Variants in FAM86B1 observed in about 807,000 individuals in gnomAD.
FAM86B1 encodes the protein putative protein N-methyltransferase FAM86B1.
For synonymous variants in FAM86B1, 4 were observed against 137.6 expected, an observed-to-expected ratio of 0.03 and a Z score of 6.79; for missense variants, 13 against 328.1, an observed-to-expected ratio of 0.04 and a Z score of 7.42.
rs1805194951 is a variant in FAM86B1 at position 12,183,130 on chromosome 8, CG to C, written c.*475del. The C allele has an allele frequency of 4.9e-6, 1 of 205,376 alleles. No individual in the cohort carries two copies. Among genetic ancestry groups the C allele is most frequent in the African/African-American group, 3.1e-5 (1 of 32,322 alleles). 12.7% of individuals were successfully genotyped at this position (205,376 alleles called of 1,614,324 possible). The stretch of plus-strand genomic sequence containing the variant: ...CAGCGGGCTTGGCTTTGTGAGGAAC[CG>C]AGTGTGTCCAGGGATGTGGCAGCTG... On this transcript the variant is annotated 3_prime_UTR_variant, in exon 7 of 7. Transcript: ENST00000448228.
upstream of FAM86B1, among the ~76,000 whole-genome samples, chr8:12,194,294 C>G (rs1362769519): frequency 1.4e-5 from 2 of 147,848 alleles, no homozygotes; most frequent in East Asian, 3.8e-4. Flanking sequence ...GGGGCAGGTC[C>G]TGGGTAGAGT....
chr8:12,182,379 G>T lies in FAM86B1; in HGVS notation c.*1227C>A. 1 of 555,472 alleles carries T rather than the reference G, an allele frequency of 1.8e-6. No homozygotes were observed. Among genetic ancestry groups the T allele is most frequent in the Non-Finnish European group, 3.2e-6 (1 of 314,522 alleles). 34.4% of individuals were successfully genotyped at this position (555,472 alleles called of 1,614,324 possible). ...ATACGGGGAAGTTTCCAGAAAGCATGATGTCAAGTTGGAAGTGGAGCGCTG... is the reference window on the plus strand; with the variant it reads ...ATACGGGGAAGTTTCCAGAAAGCATTATGTCAAGTTGGAAGTGGAGCGCTG... On this transcript the variant is annotated 3_prime_UTR_variant, in exon 7 of 7. Coordinates refer to ENST00000448228, the MANE Select transcript of FAM86B1 (RefSeq NM_001083537.4).
chr8:12,189,215 C>G (rs1330419984), intron 3 of FAM86B1, among the ~76,000 whole-genome samples: 2 of 147,116 alleles, frequency 1.4e-5, no homozygotes, highest in Non-Finnish European at 3.0e-5. Context: ...CCACAGTAAT[C>G]CAGCCTGGGC....
rs1374801403 is a variant in FAM86B1 at position 12,189,427 on chromosome 8, C to T, written c.240+381G>A. On this transcript the variant is annotated intron_variant, in intron 3 of 6. Transcript: ENST00000448228. ...AGAGCTAAAACTTCCAACAGGGGCCCGTGGGGCAACCCAGAGATGGACAAG... is the reference window on the plus strand; with the variant it reads ...AGAGCTAAAACTTCCAACAGGGGCCTGTGGGGCAACCCAGAGATGGACAAG... Among the ~76,000 whole-genome samples the T allele has an allele frequency of 7.3e-5, 8 of 110,174 alleles. No homozygotes were observed. In the South Asian group the frequency reaches 9.2e-4, roughly 13 times the overall value. 72.3% of individuals were successfully genotyped at this position (110,174 alleles called of 152,430 possible).
At chr8:12,191,869 CA>C (rs1351813346) in intron 1 of FAM86B1, 28 bp from the exon 2 acceptor site, 1 of 827,978 alleles carries the variant, frequency 1.2e-6, no homozygotes, top group Non-Finnish European at 1.8e-6. Flanking sequence ...AGAGAAATCT[CA>C]AGGGCCCATT....
At chr8:12,191,055 CT>C (rs1250217917) in intron 2 of FAM86B1, among the ~76,000 whole-genome samples, 1 of 146,504 alleles carries the variant, frequency 6.8e-6, no homozygotes, top group East Asian at 2.0e-4. Flanking sequence ...GTGGCTGCAT[CT>C]TTTCCACGTG....
chr8:12,193,227 G>C (rs1218035751), intron 1 of FAM86B1, among the ~76,000 whole-genome samples: 1 of 145,618 alleles, frequency 6.9e-6, no homozygotes, highest in African/African-American at 2.8e-5. Flanking sequence ...GACCAGAAAT[G>C]ATCTCTGAGT....
chr8:12,191,384 C>T (rs1195958031), intron 2 of FAM86B1, among the ~76,000 whole-genome samples: 1 of 122,658 alleles, frequency 8.2e-6, no homozygotes, highest in Non-Finnish European at 1.6e-5. Flanking sequence ...CTGGGCAAAG[C>T]AAGGGCCCAT....
chr8:12,187,263 G>A (rs1375210606), intron 3 of FAM86B1, among the ~76,000 whole-genome samples: 2 of 27,470 alleles, frequency 7.3e-5, no homozygotes, highest in Non-Finnish European at 1.1e-4. Context: ...CACGATCTTG[G>A]CTTACTGCAA....
Position 12,182,423 on chromosome 8 carries a change from C to G in FAM86B1, c.*1183G>C, listed in dbSNP as rs1805059129. On this transcript the variant is annotated 3_prime_UTR_variant, in exon 7 of 7. Transcript: ENST00000448228. Reference sequence around the variant, plus strand: ...AGCGCTGCTGGGTTGTGAAGGGTCTCAAGTCCAAGTGAGGGGGGTTGTGAA... The same window carrying G: ...AGCGCTGCTGGGTTGTGAAGGGTCTGAAGTCCAAGTGAGGGGGGTTGTGAA... 1.1e-5 allele frequency: 11 copies of G among 1,044,630 alleles called. No individual in the cohort carries two copies. In the South Asian group the frequency reaches 1.2e-4, roughly 12 times the overall value. The allele number at this position is 1,044,630 out of a possible 1,614,324, so 64.7% of individuals were successfully genotyped here. A position where few individuals can be genotyped will look rare whatever the true frequency, so the allele number is the denominator to read the frequency against.
intron 1 of FAM86B1, chr8:12,193,745 C>T (rs1287276100): frequency 2.1e-6 from 1 of 478,988 alleles, no homozygotes; most frequent in South Asian, 2.3e-5. Flanking sequence ...CGTCTACCCC[C>T]TAAGGCGGTG....
At chr8:12,193,216 T>G (rs2150759972) in intron 1 of FAM86B1, among the ~76,000 whole-genome samples, 1 of 145,602 alleles carries the variant, frequency 6.9e-6, no homozygotes, top group Non-Finnish European at 1.5e-5. Flanking sequence ...ACATTTCTCC[T>G]GACCAGAAAT....
At chr8:12,188,165 A>C in intron 3 of FAM86B1, 1 of 911,162 alleles carries the variant, frequency 1.1e-6, no homozygotes, top group Non-Finnish European at 1.5e-6. Context: ...CCGTGTGGAC[A>C]GCCTCGTGCT....
chr8:12,182,446 G>A lies in FAM86B1; in HGVS notation c.*1160C>T. On this transcript the variant is annotated 3_prime_UTR_variant, in exon 7 of 7. Coordinates refer to ENST00000448228, the MANE Select transcript of FAM86B1 (RefSeq NM_001083537.4). ...CTCAAGTCCAAGTGAGGGGGGTTGT[G>A]AAGGGTCTCAAGTCCAAGTGAGGGA... 7 of 1,177,586 alleles carry A rather than the reference G, an allele frequency of 5.9e-6. No individual in the cohort carries two copies. Among genetic ancestry groups the A allele is most frequent in the Non-Finnish European group, 8.3e-6 (7 of 844,134 alleles). The allele number at this position is 1,177,586 out of a possible 1,614,324, so 72.9% of individuals were successfully genotyped here. A position where few individuals can be genotyped will look rare whatever the true frequency, so the allele number is the denominator to read the frequency against.
rs1805048720 is a variant in FAM86B1, at chr8:12,182,362, A to C, written c.*1244T>G. ...GTGTGGGAAAGTGGGACATACGGGG[A>C]AGTTTCCAGAAAGCATGATGTCAAG... On this transcript the variant is annotated 3_prime_UTR_variant, in exon 7 of 7. Coordinates refer to ENST00000448228, the MANE Select transcript of FAM86B1 (RefSeq NM_001083537.4). The C allele has an allele frequency of 9.6e-6, 5 of 523,222 alleles. No homozygotes were observed. In the South Asian group the frequency reaches 1.1e-4, roughly 11 times the overall value. 32.4% of individuals were successfully genotyped at this position (523,222 alleles called of 1,614,324 possible).
At chr8:12,185,011 G>T in intron 6 of FAM86B1, 3 of 429,856 alleles carry the variant, frequency 7.0e-6, no homozygotes, top group South Asian at 2.1e-5. Context: ...CGCCTGTACA[G>T]CCTGTGCTCC....
chr8:12,190,755 T>G (rs1328759913), intron 2 of FAM86B1, among the ~76,000 whole-genome samples: 1 of 105,640 alleles, frequency 9.5e-6, no homozygotes, highest in East Asian at 2.5e-4. Context: ...CAGCTAATTT[T>G]TTTTTATTTT....
intron 5 of FAM86B1, 152 bp from the exon 6 acceptor site, chr8:12,185,677 AT>A (rs1805707403): frequency 1.1e-5 from 7 of 617,702 alleles, no homozygotes; most frequent in Non-Finnish European, 1.5e-5. Flanking sequence ...AAAGGCAATT[AT>A]TTGGGTGAAA....
rs1461515973 is a variant in FAM86B1, at chr8:12,189,158, AAC to A, written c.240+648_240+649del. Among the ~76,000 whole-genome samples, 6 of 146,744 alleles carry A rather than the reference AAC, an allele frequency of 4.1e-5. No individual in the cohort carries two copies. The East Asian group carries it at 1.2e-3, about 29-fold the overall frequency. ...AGCTTCTTAGCAGGCTAGGCACGAG[AAC>A]TGCTTGAACCCAGGAGGCAGAGGTT... On this transcript the variant is annotated intron_variant, in intron 3 of 6. Coordinates refer to ENST00000448228, the MANE Select transcript of FAM86B1 (RefSeq NM_001083537.4).
Sources: allele counts gnomAD v4.1 joint callset (sites outside exome capture counted in the v4.1 genomes callset), GRCh38; gene constraint gnomAD v4.1.1; transcripts MANE v1.5; gene names NCBI Gene and HGNC (gene_info 2026-07-23, HGNC 2026-07-21).